PCDHGA8: variants seen among roughly 807,000 people sequenced by gnomAD.
PCDHGA8 encodes protocadherin gamma-A8.
In PCDHGA8, 45 loss-of-function variants were observed where a neutral mutation model predicts 59.2. That is an observed-to-expected ratio of 0.76 (90% CI 0.60 to 0.98). PCDHGA8 has a LOEUF of 0.98. Among genes scored for constraint, PCDHGA8 ranks in the 50% least tolerant of loss-of-function variants. PCDHGA8 has a pLI of 0.00. For synonymous variants in PCDHGA8, 531 were observed against 519.0 expected, an observed-to-expected ratio of 1.02 and a Z score of -0.32; for missense variants, 1,257 against 1,196.2, an observed-to-expected ratio of 1.05 and a Z score of -0.75.
In PCDHGA8 at chr5:141,477,605, T is replaced by A. The variant is rs1339408637; in HGVS notation, c.2425-17202T>A. On this transcript the variant is annotated intron_variant, in intron 1 of 3. Transcript: ENST00000398604. This position sits in a 1 kb window ranked among gnomAD's most constrained non-coding sequence, Gnocchi z 4.9. ...GAATGCTCGGCTTTCTTTCTTTCTCTTGGAGCAAGGAGCTGAAACCGGGCT... is the reference window on the plus strand; with the variant it reads ...GAATGCTCGGCTTTCTTTCTTTCTCATGGAGCAAGGAGCTGAAACCGGGCT... The A allele has an allele frequency of 6.2e-6, 10 of 1,614,102 alleles. No individual in the cohort carries two copies. In the South Asian group the frequency reaches 1.1e-4, roughly 18 times the overall value.
chr5:141,394,570 A>G lies in PCDHGA8; in HGVS notation c.1757A>G (p.Tyr586Cys). The G allele has an allele frequency of 6.2e-7, 1 of 1,613,768 alleles. No homozygotes were observed. The highest frequency in any genetic ancestry group is 8.5e-7 in the Non-Finnish European group (1 of 1,180,014). Reference protein sequence around the residue: ...ELAPRSAERGYLVTKVVAVDR... With the variant: ...ELAPRSAERGCLVTKVVAVDR... The stretch of plus-strand genomic sequence containing the variant: ...GCGCCCCGCTCCGCAGAGCGTGGCT[A>G]CCTGGTGACCAAGGTGGTGGCGGTG... Residue 586 changes from tyrosine to cysteine, a missense_variant, in exon 1 of 4, where the codon TAC becomes TGC. Physicochemically the swap from Tyr to Cys is radical, Grantham distance 194. Transcript: ENST00000398604.
In PCDHGA8 at chr5:141,476,948, G is replaced by T; in HGVS notation, c.2425-17859G>T. 6.2e-7 allele frequency: 1 copy of T among 1,614,180 alleles called. No individual in the cohort carries two copies. On this transcript the variant is annotated intron_variant, in intron 1 of 3. Transcript: ENST00000398604. The surrounding 1 kb of genome is among the most constrained non-coding windows in gnomAD (Gnocchi z 7.6). ...GGATCTGGATGAAGGCCCCAACGGTGAAATTATTTACTCCTTCGGCAGCCA... is the reference window on the plus strand; with the variant it reads ...GGATCTGGATGAAGGCCCCAACGGTTAAATTATTTACTCCTTCGGCAGCCA...
rs1344329529 is a variant in PCDHGA8, at chr5:141,456,847, C to T, written c.2425-37960C>T. Among the ~76,000 whole-genome samples the T allele has an allele frequency of 2.0e-5, 3 of 152,084 alleles. No homozygotes were observed. The East Asian group carries it at 5.8e-4, about 29-fold the overall frequency. ...TCGTGGTAGTGGGCGCCTGTAATCC[C>T]AGCTAATTGGGAGGCTGAGGCAGGA... On this transcript the variant is annotated intron_variant, in intron 1 of 3. Transcript: ENST00000398604.
At position 141,497,540 on chromosome 5, in the gene PCDHGA8, C is replaced by CT. The variant is rs754207034; in HGVS notation, c.2483+2693dup. On this transcript the variant is annotated intron_variant, in intron 2 of 3. Transcript: ENST00000398604. Reference sequence around the variant, plus strand: ...TTAACTTGTGGAGGATGCAACAAACCTTTTTTTTTTTTTTTTTTAGACAGA... The same window carrying CT: ...TTAACTTGTGGAGGATGCAACAAACCTTTTTTTTTTTTTTTTTTTAGACAGA... Among the ~76,000 whole-genome samples, 618 of 134,908 alleles carry CT rather than the reference C, an allele frequency of 4.6e-3. 3 individuals carry two copies. The highest frequency in any genetic ancestry group is 0.012 in the African/African-American group (419 of 35,974). 88.5% of individuals were successfully genotyped at this position (134,908 alleles called of 152,430 possible). A position where few individuals can be genotyped will look rare whatever the true frequency, so the allele number is the denominator to read the frequency against.
chr5:141,482,530 C>CA (rs3074545), intron 1 of PCDHGA8, among the ~76,000 whole-genome samples: 3,839 of 76,186 alleles, frequency 0.05, 137 homozygotes, highest in East Asian at 0.1. Context: ...GACAGACATG[C>CA]AAAAAAAAAA....
At position 141,415,832 on chromosome 5, in the gene PCDHGA8, T is replaced by C. The variant is rs995620508; in HGVS notation, c.2424+20595T>C. On this transcript the variant is annotated intron_variant, in intron 1 of 3. Coordinates refer to ENST00000398604, the MANE Select transcript of PCDHGA8 (RefSeq NM_032088.2). ...GCCTATATATCATAAGGCTTTGTTA[T>C]GATTAGCTTTGCAGAACCTTGTAGT... 33 of 1,310,754 alleles carry C rather than the reference T, an allele frequency of 2.5e-5. No individual in the cohort carries two copies. The African/African-American group carries it at 4.7e-4, about 19-fold the overall frequency. 81.2% of individuals were successfully genotyped at this position (1,310,754 alleles called of 1,614,324 possible).
intron 1 of PCDHGA8, chr5:141,423,752 G>T: frequency 6.2e-6 from 4 of 644,948 alleles, no homozygotes; most frequent in Non-Finnish European, 7.8e-6. Context: ...AAACTGTTTG[G>T]GGGGGGGGTG....
chr5:141,399,349 C>A (rs1467940246), intron 1 of PCDHGA8: 15 of 1,613,814 alleles, frequency 9.3e-6, no homozygotes, highest in African/African-American at 1.3e-5. Flanking sequence ...AACCCTAGAC[C>A]GAGAGCAAAC....
At chr5:141,499,289 C>T in intron 2 of PCDHGA8, among the ~76,000 whole-genome samples, 1 of 152,212 alleles carries the variant, frequency 6.6e-6, no homozygotes, top group African/African-American at 2.4e-5. Context: ...GATGGCTCCA[C>T]ACTACCATCC....
chr5:141,392,682 C>T lies in PCDHGA8; in HGVS notation c.-132C>T. 2 of 1,035,550 alleles carry T rather than the reference C, an allele frequency of 1.9e-6. No individual in the cohort carries two copies. Among genetic ancestry groups the T allele is most frequent in the Non-Finnish European group, 2.7e-6 (2 of 741,806 alleles). The allele number at this position is 1,035,550 out of a possible 1,614,324, so 64.1% of individuals were successfully genotyped here. The stretch of plus-strand genomic sequence containing the variant: ...CCACAAACTAACTGCTGGACTGCAG[C>T]GAAACCCGACCCCTGTTTGGAGGCA... On this transcript the variant is annotated 5_prime_UTR_variant, in exon 1 of 4. Coordinates refer to ENST00000398604, the MANE Select transcript of PCDHGA8 (RefSeq NM_032088.2).
chr5:141,422,727 G>A, intron 1 of PCDHGA8: 6 of 1,606,552 alleles, frequency 3.7e-6, no homozygotes, highest in Non-Finnish European at 5.1e-6. Flanking sequence ...TCCAGGGGGT[G>A]CCTCTGTCCT....
chr5:141,441,887 A>G, intron 1 of PCDHGA8: 1 of 344,596 alleles, frequency 2.9e-6, no homozygotes, highest in African/African-American at 2.2e-5. Context: ...CTGGTCACCA[A>G]GGTGGTGGCT....
At position 141,489,635 on chromosome 5, in the gene PCDHGA8, G is replaced by C. The variant is rs1380466520; in HGVS notation, c.2425-5172G>C. 2 of 1,614,142 alleles carry C rather than the reference G, an allele frequency of 1.2e-6. No homozygotes were observed. The highest frequency in any genetic ancestry group is 3.3e-5 in the Admixed American group (2 of 60,016). ...CTGGATCTCAATGACAACTCTCCTAGCTTTGCCACCCCTGAGCGAGAGATG... is the reference window on the plus strand; with the variant it reads ...CTGGATCTCAATGACAACTCTCCTACCTTTGCCACCCCTGAGCGAGAGATG... On this transcript the variant is annotated intron_variant, in intron 1 of 3. Transcript: ENST00000398604. This position sits in a 1 kb window ranked among gnomAD's most constrained non-coding sequence, Gnocchi z 4.5.
intron 1 of PCDHGA8, chr5:141,427,017 TAC>T (rs764268354): frequency 2.2e-5 from 10 of 456,792 alleles, no homozygotes; most frequent in South Asian, 1.4e-4. Context: ...CCAGGATGTA[TAC>T]AAAGTCAGCC....
intron 2 of PCDHGA8, among the ~76,000 whole-genome samples, chr5:141,501,032 C>A (rs1370625012): frequency 6.6e-6 from 1 of 151,976 alleles, no homozygotes; most frequent in Non-Finnish European, 1.5e-5. Context: ...CCACGCCCAG[C>A]TAATTTTTGT....
At chr5:141,446,339 G>A (rs1455819111) in intron 1 of PCDHGA8, among the ~76,000 whole-genome samples, 1 of 152,164 alleles carries the variant, frequency 6.6e-6, no homozygotes, top group Non-Finnish European at 1.5e-5. Flanking sequence ...GAACTGGATG[G>A]ACAAAGCTAC....
chr5:141,465,574 C>T (rs1477852984), intron 1 of PCDHGA8, among the ~76,000 whole-genome samples: 2 of 152,160 alleles, frequency 1.3e-5, no homozygotes, highest in Admixed American at 1.3e-4. Context: ...TTTCTCAAAA[C>T]ACTCTCATAA....
chr5:141,509,435 T>C (rs547082417), intron 3 of PCDHGA8, among the ~76,000 whole-genome samples: 1 of 152,214 alleles, frequency 6.6e-6, no homozygotes, highest in South Asian at 2.1e-4. Context: ...AAACTCTTGT[T>C]TCCTCCTCTC....
At position 141,432,759 on chromosome 5, in the gene PCDHGA8, G is replaced by T. The variant is rs768949018; in HGVS notation, c.2424+37522G>T. On this transcript the variant is annotated intron_variant, in intron 1 of 3. Transcript: ENST00000398604. The surrounding 1 kb of genome is among the most constrained non-coding windows in gnomAD (Gnocchi z 6.0). ...ACGCTCACCGTGGCCGTGGCCGACA[G>T]CATCCCCCAAGTCCTGGCGGACCTC... is the stretch of plus-strand genomic sequence containing the variant. The T allele has an allele frequency of 6.2e-6, 10 of 1,614,032 alleles. No homozygotes were observed. The highest frequency in any genetic ancestry group is 7.6e-6 in the Non-Finnish European group (9 of 1,180,014).
Sources: allele counts gnomAD v4.1 joint callset (sites outside exome capture counted in the v4.1 genomes callset), GRCh38; gene constraint gnomAD v4.1.1; non-coding constraint Gnocchi (gnomAD v3.1); transcripts MANE v1.5; gene names NCBI Gene and HGNC (gene_info 2026-07-23, HGNC 2026-07-21).